The following C4orf50 variants were observed in gnomAD, a reference collection of about 807,000 sequenced individuals.
The protein encoded by C4orf50 is uncharacterized protein C4orf50.
C4orf50 carries 80 observed loss-of-function variants against 77.2 expected under a neutral mutation model. The ratio of observed to expected loss-of-function variants is 1.04; its 90% CI spans 0.87 to 1.25. C4orf50 has a LOEUF of 1.25. Among genes scored for constraint, C4orf50 ranks in the 50% most tolerant of loss-of-function variants. The probability of loss-of-function intolerance (pLI) is 0.00; values close to 1 mark genes in which losing one functional copy is unlikely to be tolerated. For missense variants in C4orf50, 1,257 were observed against 1,152.9 expected, an observed-to-expected ratio of 1.09 and a Z score of -1.31; for synonymous variants, 532 against 465.3, an observed-to-expected ratio of 1.14 and a Z score of -1.84.
In C4orf50 at chr4:5,905,752, C is replaced by T. The variant is rs1716520228; in HGVS notation, c.*2475-7564G>A. 6.6e-6 allele frequency among the ~76,000 whole-genome samples: 1 copy of T among 152,242 alleles called. No homozygotes were observed. The highest frequency in any genetic ancestry group is 2.4e-5 in the African/African-American group (1 of 41,456). ...CATGCACATTCTGTAGAGAGGGTTT[C>T]TAGCTTTCAGGAGCCTCTCAAAGGG... On this transcript the variant is annotated intron_variant, in intron 7 of 7. Transcript: ENST00000324058. The surrounding 1 kb of genome is among the most constrained non-coding windows in gnomAD (Gnocchi z 5.4).
In C4orf50 at chr4:6,007,172, A is replaced by G. The variant is rs1192046584; in HGVS notation, c.963+824T>C. ...GCCAGAGGGGTAGATAGATGAACAC[A>G]TGGTGTGGTGAATGAGAAGATAATG... is the stretch of plus-strand genomic sequence containing the variant. On this transcript the variant is annotated intron_variant, in intron 25 of 33. Coordinates refer to ENST00000531445, the Ensembl canonical transcript of C4orf50. This position sits in a 1 kb window ranked among gnomAD's most constrained non-coding sequence, Gnocchi z 4.1. 2.0e-5 allele frequency among the ~76,000 whole-genome samples: 3 copies of G among 152,112 alleles called. No individual in the cohort carries two copies. Among genetic ancestry groups the G allele is most frequent in the Non-Finnish European group, 2.9e-5 (2 of 68,006 alleles).
chr4:5,923,878 GGGTGGGCACCATCTGATCAGCTGCC>G (rs1478875600), intron 7 of C4orf50, among the ~76,000 whole-genome samples: 2 of 152,192 alleles, frequency 1.3e-5, no homozygotes, highest in Non-Finnish European at 2.9e-5. Flanking sequence ...CCCTCCATCT[GGGTGGGCACCATCTGATCAGCTGCC>G]AGCGTCGCTA....
chr4:6,004,811 G>T lies in C4orf50; in HGVS notation c.963+3185C>A, dbSNP rs543709667. Among the ~76,000 whole-genome samples, 3 of 148,572 alleles carry T rather than the reference G, an allele frequency of 2.0e-5. No individual in the cohort carries two copies. In the East Asian group the frequency reaches 6.1e-4, roughly 30 times the overall value. On this transcript the variant is annotated intron_variant, in intron 25 of 33. Transcript: ENST00000531445. ...TGGTGGTGATGGTGATGGTGATGTT[G>T]GTGATGATGGTGATAGTGATGATGT...
intron 7 of C4orf50, among the ~76,000 whole-genome samples, chr4:5,921,625 A>G (rs1309845006): frequency 6.6e-6 from 1 of 152,024 alleles, no homozygotes; most frequent in Non-Finnish European, 1.5e-5. Context: ...GTGTTTCGGG[A>G]GGAGCCACCG....
chr4:5,982,075 A>G (rs1380437134), intron 28 of C4orf50, among the ~76,000 whole-genome samples: 1 of 152,180 alleles, frequency 6.6e-6, no homozygotes, highest in African/African-American at 2.4e-5. Context: ...ATAGAAATAT[A>G]CACGACATGG....
chr4:5,948,663 C>T (rs1348457225), intron 7 of C4orf50, among the ~76,000 whole-genome samples: 1 of 152,100 alleles, frequency 6.6e-6, no homozygotes, highest in African/African-American at 2.4e-5. Flanking sequence ...GGTGTGGTGC[C>T]ATGCACCTGT....
intron 23 of C4orf50, among the ~76,000 whole-genome samples, chr4:6,013,758 A>G (rs1446885973): frequency 1.3e-5 from 2 of 152,186 alleles, no homozygotes; most frequent in African/African-American, 4.8e-5. Context: ...ATGCAGCTCT[A>G]GACCTGGAGA....
chr4:5,961,635 T>C (rs1012433043), intron 33 of C4orf50, among the ~76,000 whole-genome samples: 2 of 152,312 alleles, frequency 1.3e-5, no homozygotes, highest in Non-Finnish European at 2.9e-5. Context: ...ACCCAGGCCA[T>C]ACGGCTCTCA....
chr4:5,930,428 C>T (rs1337624371), intron 7 of C4orf50, among the ~76,000 whole-genome samples: 2 of 152,212 alleles, frequency 1.3e-5, no homozygotes, highest in Non-Finnish European at 2.9e-5. Flanking sequence ...GGTATTTGCT[C>T]AATCCACCAC....
chr4:5,915,425 C>T (rs1417614350), intron 7 of C4orf50, among the ~76,000 whole-genome samples: 1 of 152,222 alleles, frequency 6.6e-6, no homozygotes, highest in Non-Finnish European at 1.5e-5. Flanking sequence ...TTGTCATCTC[C>T]TAGACTAGAG....
chr4:5,967,351 C>A, intron 32 of C4orf50, 63 bp downstream of exon 10: 1 of 1,345,118 alleles, frequency 7.4e-7, no homozygotes, highest in Non-Finnish European at 1.1e-6. Context: ...CCTCTCACAG[C>A]GTCCTGCCGG....
intron 25 of C4orf50, among the ~76,000 whole-genome samples, chr4:6,004,226 GT>G (rs1722079567): frequency 3.1e-3 from 91 of 29,008 alleles, no homozygotes; most frequent in East Asian, 0.02. Flanking sequence ...TGGTGATGAT[GT>G]GATGGTGATG....
intron 7 of C4orf50, among the ~76,000 whole-genome samples, chr4:5,906,932 A>T (rs960880013): frequency 1.3e-5 from 2 of 152,254 alleles, no homozygotes; most frequent in Non-Finnish European, 2.9e-5. Context: ...CACTTGGAGA[A>T]CTTTACAAGA....
At chr4:5,947,937 G>A (rs541690810) in intron 7 of C4orf50, among the ~76,000 whole-genome samples, 5 of 152,368 alleles carry the variant, frequency 3.3e-5, no homozygotes, top group Non-Finnish European at 7.3e-5. Flanking sequence ...GCATCCAGAT[G>A]CAGGCACCTC....
At chr4:5,957,192 G>A (rs1719010307) in exon 34 of C4orf50, 2 of 152,260 alleles carry the variant, frequency 1.3e-5, no homozygotes, top group South Asian at 4.1e-4. Context: ...GGATTTCCTG[G>A]GTTGCCTTTC....
intron 7 of C4orf50, among the ~76,000 whole-genome samples, chr4:5,912,649 TCC>T: frequency 6.6e-6 from 1 of 152,176 alleles, no homozygotes; most frequent in East Asian, 1.9e-4. Context: ...TACTCACAGT[TCC>T]CTAGAGGAAG....
In C4orf50 at chr4:5,999,190, T is replaced by C. The variant is rs185627530; in HGVS notation, c.964-4714A>G. On this transcript the variant is annotated intron_variant, in intron 25 of 33. Coordinates refer to ENST00000531445, the Ensembl canonical transcript of C4orf50. Reference sequence around the variant, plus strand: ...TTTATAATGACTGCCTTTGCCATAGTTCACACCATGGCTCCCAGAGCACAT... The same window carrying C: ...TTTATAATGACTGCCTTTGCCATAGCTCACACCATGGCTCCCAGAGCACAT... Among the ~76,000 whole-genome samples, 689 of 152,300 alleles carry C rather than the reference T, an allele frequency of 4.5e-3. 1 individual carries two copies. Among genetic ancestry groups the C allele is most frequent in the Non-Finnish European group, 7.0e-3 (476 of 68,024 alleles).
intron 25 of C4orf50, among the ~76,000 whole-genome samples, chr4:5,995,418 G>C (rs1011664350): frequency 6.6e-6 from 1 of 151,202 alleles, no homozygotes; most frequent in African/African-American, 2.4e-5. Context: ...TGCAGGTCAG[G>C]ATAATTCAGA....
chr4:5,975,259 G>C (rs530011950), intron 30 of C4orf50, among the ~76,000 whole-genome samples: 11 of 151,642 alleles, frequency 7.3e-5, no homozygotes, highest in Middle Eastern at 3.4e-3. Context: ...CAGAGCGCAG[G>C]GGTGGTGATT....
Sources: allele counts gnomAD v4.1 joint callset (sites outside exome capture counted in the v4.1 genomes callset), GRCh38; gene constraint gnomAD v4.1.1; non-coding constraint Gnocchi (gnomAD v3.1); transcripts MANE v1.5; gene names NCBI Gene and HGNC (gene_info 2026-07-23, HGNC 2026-07-21).